ULK4: variants seen among roughly 807,000 people sequenced by gnomAD.
ULK4 encodes unc-51 like kinase 4, also known as inactive serine/threonine-protein kinase ULK4.
Under a neutral mutation model 160.6 loss-of-function variants are expected in ULK4, and 133 were observed. The ratio of observed to expected loss-of-function variants is 0.83; its 90% CI spans 0.72 to 0.96. The LOEUF is 0.96. ULK4 is among the 40% of genes least tolerant of loss of function. ULK4 has a pLI of 0.00. For missense variants in ULK4, 1,580 were observed against 1,499.5 expected (o/e 1.05, Z -0.89); for synonymous variants, 534 against 539.8 (o/e 0.99, Z 0.15).
At chr3:41,496,756 TC>T (rs1168799234) in intron 32 of ULK4, among the ~76,000 whole-genome samples, 1 of 152,058 alleles carries the variant, frequency 6.6e-6, no homozygotes, top group African/African-American at 2.4e-5. Context: ...GTCAAGGAGT[TC>T]CGACAATCCA....
At chr3:41,376,476 CACT>C (rs1328173194) in intron 35 of ULK4, among the ~76,000 whole-genome samples, 1 of 150,064 alleles carries the variant, frequency 6.7e-6, no homozygotes. Context: ...TAGAAAACCC[CACT>C]GTCTCAGCCC....
At chr3:41,439,405 T>C (rs1361451639) in intron 34 of ULK4, among the ~76,000 whole-genome samples, 1 of 152,126 alleles carries the variant, frequency 6.6e-6, no homozygotes, top group African/African-American at 2.4e-5. Flanking sequence ...GATAGGAAGT[T>C]AGACTGAAAT....
At chr3:41,801,402 G>T (rs2040456300) in intron 19 of ULK4, among the ~76,000 whole-genome samples, 1 of 152,044 alleles carries the variant, frequency 6.6e-6, no homozygotes, top group South Asian at 2.1e-4. Flanking sequence ...TTGGAAAAAT[G>T]CTTGAAATAT....
At chr3:41,458,594 A>G (rs2083609271) in intron 33 of ULK4, among the ~76,000 whole-genome samples, 1 of 152,098 alleles carries the variant, frequency 6.6e-6, no homozygotes, top group Admixed American at 6.6e-5. Context: ...ACAGCTTCTT[A>G]GTATTAAAAA....
At chr3:41,721,445 G>A (rs1378547088) in intron 22 of ULK4, among the ~76,000 whole-genome samples, 2 of 137,832 alleles carry the variant, frequency 1.5e-5, no homozygotes, top group African/African-American at 5.5e-5. Flanking sequence ...TCGGTTCAAT[G>A]CAACCTCTGC....
chr3:41,469,555 C>G (rs2083918397), intron 32 of ULK4, among the ~76,000 whole-genome samples: 1 of 121,724 alleles, frequency 8.2e-6, no homozygotes, highest in Non-Finnish European at 1.7e-5. Context: ...TCAAAGCCGG[C>G]CCATCTACAA....
At chr3:41,387,648 T>C (rs1289021746) in intron 35 of ULK4, among the ~76,000 whole-genome samples, 1 of 152,202 alleles carries the variant, frequency 6.6e-6, no homozygotes, top group Non-Finnish European at 1.5e-5. Flanking sequence ...CTTGTGATAG[T>C]TTGCTGAGAA....
intron 2 of ULK4, among the ~76,000 whole-genome samples, chr3:41,953,235 C>T (rs1700347720): frequency 6.8e-6 from 1 of 148,066 alleles, no homozygotes; most frequent in Non-Finnish European, 1.5e-5. Context: ...TATATATACA[C>T]ACACATATAT....
At chr3:41,773,413 C>G (rs560319075) in intron 21 of ULK4, among the ~76,000 whole-genome samples, 25 of 152,292 alleles carry the variant, frequency 1.6e-4, no homozygotes, top group Middle Eastern at 3.4e-3. Context: ...CACAGGCATT[C>G]TTATACACCA....
chr3:41,683,083 T>C (rs554450795), intron 27 of ULK4, among the ~76,000 whole-genome samples: 1 of 152,294 alleles, frequency 6.6e-6, no homozygotes, highest in Admixed American at 6.5e-5. Flanking sequence ...CATTCTTTCA[T>C]ACATTCCCAG....
At chr3:41,303,147 ATTAT>A (rs2079832850) in intron 35 of ULK4, among the ~76,000 whole-genome samples, 1 of 152,168 alleles carries the variant, frequency 6.6e-6, no homozygotes, top group Non-Finnish European at 1.5e-5. Context: ...TCTGATAATA[ATTAT>A]TTGCCTTTTA....
At chr3:41,781,758 GT>G (rs1398788089) in intron 21 of ULK4, among the ~76,000 whole-genome samples, 1 of 152,152 alleles carries the variant, frequency 6.6e-6, no homozygotes, top group Non-Finnish European at 1.5e-5. Flanking sequence ...GGCCAACATG[GT>G]GAAACCCCAG....
At chr3:41,719,528 CTCTACCT>C (rs1422339789) in intron 22 of ULK4, among the ~76,000 whole-genome samples, 3 of 152,186 alleles carry the variant, frequency 2.0e-5, no homozygotes, top group Non-Finnish European at 2.9e-5. Context: ...TAGTATCACT[CTCTACCT>C]TATTAAACAA....
intron 30 of ULK4, among the ~76,000 whole-genome samples, chr3:41,644,360 A>C (rs1029210587): frequency 1.3e-4 from 20 of 151,932 alleles, no homozygotes; most frequent in African/African-American, 4.6e-4. Context: ...ATTTTGAGAT[A>C]TGTCCCATCA....
intron 35 of ULK4, among the ~76,000 whole-genome samples, chr3:41,386,221 C>T (rs1466967347): frequency 6.6e-6 from 1 of 152,162 alleles, no homozygotes; most frequent in Non-Finnish European, 1.5e-5. Context: ...CTTATATATA[C>T]ATATTCCTTT....
chr3:41,866,498 T>G (rs958575138), intron 17 of ULK4, among the ~76,000 whole-genome samples: 7 of 152,168 alleles, frequency 4.6e-5, no homozygotes, highest in African/African-American at 1.7e-4. Context: ...GCATGCGCAG[T>G]TCACAATAGG....
At chr3:41,527,031 C>T (rs2086143089) in intron 32 of ULK4, among the ~76,000 whole-genome samples, 1 of 152,136 alleles carries the variant, frequency 6.6e-6, no homozygotes, top group South Asian at 2.1e-4. Context: ...TGTTAGAGTC[C>T]ATTACATAAA....
At chr3:41,545,631 G>C (rs1045005664) in intron 32 of ULK4, among the ~76,000 whole-genome samples, 4 of 151,980 alleles carry the variant, frequency 2.6e-5, no homozygotes, top group African/African-American at 9.7e-5. Context: ...ATCTTCCAAG[G>C]GTTTTCTGAC....
intron 32 of ULK4, among the ~76,000 whole-genome samples, chr3:41,555,541 G>A (rs753824589): frequency 2.6e-5 from 4 of 152,112 alleles, no homozygotes; most frequent in African/African-American, 4.8e-5. Flanking sequence ...GCAAGGTTGT[G>A]GAGAAAAAGG....
Sources: allele counts gnomAD v4.1 joint callset (sites outside exome capture counted in the v4.1 genomes callset), GRCh38; gene constraint gnomAD v4.1.1; transcripts MANE v1.5; gene names NCBI Gene and HGNC (gene_info 2026-07-23, HGNC 2026-07-21).